The following EPAS1 variants were observed in gnomAD, a reference collection of about 807,000 sequenced individuals.
EPAS1 encodes the protein endothelial PAS domain protein 1.
In EPAS1, 23 loss-of-function variants were observed where a neutral mutation model predicts 87.9. That is an observed-to-expected ratio of 0.26 (90% CI 0.19 to 0.37). The LOEUF (loss-of-function observed/expected upper bound fraction) is 0.37. Among genes scored for constraint, EPAS1 ranks in the 10% least tolerant of loss-of-function variants. The probability of loss-of-function intolerance (pLI) is 1.00; values close to 1 mark genes in which losing one functional copy is unlikely to be tolerated. For missense variants in EPAS1, 1,138 were observed against 1,120.7 expected (o/e 1.02, Z -0.22); for synonymous variants, 508 against 444.3 (o/e 1.14, Z -1.80).
Position 46,356,813 on chromosome 2 carries a change from C to A in EPAS1, c.454+5C>A. The A allele has an allele frequency of 6.2e-7, 1 of 1,608,004 alleles. No individual in the cohort carries two copies. Among genetic ancestry groups the A allele is most frequent in the Non-Finnish European group, 8.5e-7 (1 of 1,174,480 alleles). ...AGAACCTGAGTCTCAAAAATGGTAT[C>A]CTTAATTGTGTTTACTTCCTTCTTG... On this transcript the variant is annotated splice_donor_5th_base_variant and intron_variant, in intron 4 of 15. Transcript: ENST00000263734.
intron 1 of EPAS1, among the ~76,000 whole-genome samples, chr2:46,334,428 C>T (rs181206514): frequency 9.6e-4 from 146 of 152,306 alleles, no homozygotes; most frequent in African/African-American, 3.3e-3. Context: ...GCACCTCTGC[C>T]CATTCCCAGT....
chr2:46,374,963 G>C (rs375265600), intron 7 of EPAS1, among the ~76,000 whole-genome samples: 11 of 152,116 alleles, frequency 7.2e-5, no homozygotes, highest in African/African-American at 2.4e-4. Flanking sequence ...ATTTATTACA[G>C]CTTATGAAGA....
chr2:46,319,907 C>T (rs1466771007), intron 1 of EPAS1, among the ~76,000 whole-genome samples: 1 of 152,146 alleles, frequency 6.6e-6, no homozygotes, highest in Non-Finnish European at 1.5e-5. Flanking sequence ...CATGATAATG[C>T]CAGTCAGTTT....
chr2:46,357,574 G>T (rs1684294246), intron 4 of EPAS1, among the ~76,000 whole-genome samples: 1 of 152,186 alleles, frequency 6.6e-6, no homozygotes, highest in Non-Finnish European at 1.5e-5. Flanking sequence ...GCCCCATCTT[G>T]TTGGTTAGAG....
intron 1 of EPAS1, among the ~76,000 whole-genome samples, chr2:46,305,667 A>C (rs1683098116): frequency 6.6e-6 from 1 of 152,178 alleles, no homozygotes; most frequent in Non-Finnish European, 1.5e-5. Flanking sequence ...AAAGCCATGG[A>C]AGTGGATTGT....
At chr2:46,313,235 G>C (rs1451782618) in intron 1 of EPAS1, among the ~76,000 whole-genome samples, 1 of 152,126 alleles carries the variant, frequency 6.6e-6, no homozygotes, top group Admixed American at 6.5e-5. Context: ...TCTGGCCTCT[G>C]ATCCTTCATC....
intron 9 of EPAS1, among the ~76,000 whole-genome samples, chr2:46,377,373 C>T (rs11694193): frequency 0.34 from 52,241 of 152,130 alleles, 10,917 homozygotes; most frequent in Non-Finnish European, 0.48. Flanking sequence ...AGTTCGCAAC[C>T]CGCTGCCACC....
At chr2:46,377,397 G>T (rs909133807) in intron 9 of EPAS1, among the ~76,000 whole-genome samples, 54 of 152,336 alleles carry the variant, frequency 3.5e-4, no homozygotes, top group African/African-American at 1.3e-3. Context: ...TCCTGGCCTT[G>T]CTGTGGCTGC....
At chr2:46,357,079 C>T (rs1219553514) in intron 4 of EPAS1, among the ~76,000 whole-genome samples, 2 of 152,196 alleles carry the variant, frequency 1.3e-5, no homozygotes, top group Non-Finnish European at 2.9e-5. Flanking sequence ...TAGGAGGTTT[C>T]ATCACCCAAG....
chr2:46,363,632 T>C (rs1259118853), intron 6 of EPAS1, among the ~76,000 whole-genome samples: 1 of 152,218 alleles, frequency 6.6e-6, no homozygotes, highest in Admixed American at 6.5e-5. Context: ...AAAGATGCTG[T>C]GCTGACTTCT....
At chr2:46,298,957 T>C (rs10211665) in intron 1 of EPAS1, among the ~76,000 whole-genome samples, 87,003 of 152,204 alleles carry the variant, frequency 0.57, 25,391 homozygotes, top group Middle Eastern at 0.66. Context: ...GCCCCGCGCT[T>C]GGCCGCGGCT....
chr2:46,384,430 C>G (rs2103682053), intron 15 of EPAS1, 79 bp from the exon 16 acceptor site: 3 of 1,590,844 alleles, frequency 1.9e-6, no homozygotes, highest in Non-Finnish European at 1.7e-6. Context: ...CTATTGGTAT[C>G]CCCCAGTCAC....
chr2:46,377,050 TGA>T (rs1159036352), intron 9 of EPAS1, among the ~76,000 whole-genome samples: 1 of 151,960 alleles, frequency 6.6e-6, no homozygotes, highest in Non-Finnish European at 1.5e-5. Flanking sequence ...GAGTCTGAGA[TGA>T]GAGGGAGGGG....
intron 1 of EPAS1, among the ~76,000 whole-genome samples, chr2:46,306,539 A>G (rs1242760511): frequency 6.6e-6 from 1 of 152,244 alleles, no homozygotes; most frequent in African/African-American, 2.4e-5. Context: ...GAGCAATTAC[A>G]GCAAATATTT....
At chr2:46,307,244 A>T (rs1683123186) in intron 1 of EPAS1, among the ~76,000 whole-genome samples, 1 of 152,182 alleles carries the variant, frequency 6.6e-6, no homozygotes, top group Admixed American at 6.5e-5. Context: ...GAAGGGAGAG[A>T]GAAGTCCTCT....
intron 1 of EPAS1, among the ~76,000 whole-genome samples, chr2:46,320,935 A>G (rs368301783): frequency 1.9e-4 from 29 of 152,338 alleles, no homozygotes; most frequent in African/African-American, 5.1e-4. Context: ...CTGCAATTCA[A>G]TGGCATTAAG....
At chr2:46,368,522 TA>T (rs1684552560) in intron 6 of EPAS1, among the ~76,000 whole-genome samples, 1 of 152,138 alleles carries the variant, frequency 6.6e-6, no homozygotes, top group South Asian at 2.1e-4. Context: ...GATACTTAAA[TA>T]AGAGTATGGC....
intron 1 of EPAS1, among the ~76,000 whole-genome samples, chr2:46,308,460 T>TTTG (rs541300033): frequency 8.1e-4 from 88 of 109,272 alleles, no homozygotes; most frequent in African/African-American, 2.5e-3. Flanking sequence ...TGCTTTTTTT[T>TTTG]GGGGGGGGGG....
At chr2:46,359,696 G>A (rs953340004) in intron 4 of EPAS1, among the ~76,000 whole-genome samples, 5 of 152,194 alleles carry the variant, frequency 3.3e-5, no homozygotes, top group African/African-American at 1.2e-4. Flanking sequence ...GCTGGTGACT[G>A]TTCCTGGAGG....
Sources: gnomAD v4.1 joint callset for allele counts (sites outside exome capture counted in the v4.1 genomes callset) on GRCh38, gnomAD v4.1.1 for gene constraint, MANE v1.5 for transcripts, NCBI Gene and HGNC (gene_info 2026-07-23, HGNC 2026-07-21) for gene names.